Variants in ANTXR2 observed in about 807,000 individuals in gnomAD.
The protein encoded by ANTXR2 is anthrax toxin receptor 2.
In ANTXR2, 44 loss-of-function variants were observed where a neutral mutation model predicts 73.7. The observed-to-expected ratio is 0.60, with a 90% confidence interval of 0.47 to 0.77. The LOEUF is 0.77. ANTXR2 is among the 30% of genes least tolerant of loss of function. The probability of loss-of-function intolerance (pLI) is 0.00; values close to 1 mark genes in which losing one functional copy is unlikely to be tolerated. For synonymous variants in ANTXR2, 217 were observed against 205.9 expected (o/e 1.05, Z -0.46); for missense variants, 604 against 592.5 (o/e 1.02, Z -0.20).
At chr4:80,048,079 T>C (rs535137972) in intron 7 of ANTXR2, among the ~76,000 whole-genome samples, 1 of 151,568 alleles carries the variant, frequency 6.6e-6, no homozygotes, top group African/African-American at 2.4e-5. Flanking sequence ...GCATAGATTT[T>C]TATTCATTTT....
intron 16 of ANTXR2, among the ~76,000 whole-genome samples, chr4:79,962,010 A>G (rs1729163652): frequency 6.6e-6 from 1 of 150,572 alleles, no homozygotes; most frequent in Non-Finnish European, 1.5e-5. Flanking sequence ...AGATTCTTTG[A>G]AAAAAAATAT....
At position 80,072,262 on chromosome 4, in the gene ANTXR2, T is replaced by C. The variant is rs979269510; in HGVS notation, c.152+147A>G. 3.9e-5 allele frequency: 35 copies of C among 896,586 alleles called. No individual in the cohort carries two copies. The African/African-American group carries it at 5.9e-4, about 15-fold the overall frequency. The allele number at this position is 896,586 out of a possible 1,614,324, so 55.5% of individuals were successfully genotyped here. The stretch of plus-strand genomic sequence containing the variant: ...CCGCCCACACAGATCCGAACGCGCT[T>C]GCCCTTTGAAAGAAGACAGCAACAG... On this transcript the variant is annotated intron_variant, in intron 1 of 16. Transcript: ENST00000403729.
chr4:80,038,783 T>A (rs1210716604), intron 7 of ANTXR2, among the ~76,000 whole-genome samples: 1 of 152,036 alleles, frequency 6.6e-6, no homozygotes, highest in Admixed American at 6.6e-5. Context: ...AACATTGGTA[T>A]CACAATCTAA....
rs72655039 is a variant in ANTXR2, at chr4:80,047,362, G to A, written c.636+6910C>T. Among the ~76,000 whole-genome samples, 410 of 151,728 alleles carry A rather than the reference G, an allele frequency of 2.7e-3. 2 individuals carry two copies. The highest frequency in any genetic ancestry group is 5.0e-3 in the Non-Finnish European group (342 of 67,808). On this transcript the variant is annotated intron_variant, in intron 7 of 16. Transcript: ENST00000403729. ...ATCAAGTGGGATTTCGGAGGAATGGGGTGTCTTCTTAGAATATATGTCAAA... is the reference window on the plus strand; with the variant it reads ...ATCAAGTGGGATTTCGGAGGAATGGAGTGTCTTCTTAGAATATATGTCAAA...
At chr4:80,069,588 C>A in intron 2 of ANTXR2, 81 bp from the exon 3 acceptor site, 1 of 1,160,138 alleles carries the variant, frequency 8.6e-7, no homozygotes, top group Admixed American at 2.4e-5. Flanking sequence ...TAGGGAGGTT[C>A]ATTTAAAATT....
At chr4:79,915,862 C>CTCTCTCTCTCTATATATATA (rs377006532) in intron 16 of ANTXR2, among the ~76,000 whole-genome samples, 74 of 123,860 alleles carry the variant, frequency 6.0e-4, no homozygotes, top group Non-Finnish European at 1.1e-3. Flanking sequence ...CTCTCTCTCT[C>CTCTCTCTCTCTATATATATA]TATATATATA....
chr4:80,017,108 C>G (rs1372282663), intron 11 of ANTXR2, among the ~76,000 whole-genome samples: 3 of 152,242 alleles, frequency 2.0e-5, no homozygotes, highest in Non-Finnish European at 4.4e-5. Context: ...AGAAGAAAAG[C>G]TCAGGTCCTG....
intron 16 of ANTXR2, among the ~76,000 whole-genome samples, chr4:79,921,727 T>C (rs1727596238): frequency 7.1e-6 from 1 of 141,492 alleles, no homozygotes; most frequent in South Asian, 2.3e-4. Context: ...ACTTAGTTAC[T>C]GTGATGTTGT....
chr4:79,948,626 T>C (rs1393257954), intron 16 of ANTXR2, among the ~76,000 whole-genome samples: 1 of 152,146 alleles, frequency 6.6e-6, no homozygotes, highest in Non-Finnish European at 1.5e-5. Context: ...ATTCAATAAA[T>C]ATACACCATT....
At chr4:80,052,988 C>T (rs1418863051) in intron 7 of ANTXR2, among the ~76,000 whole-genome samples, 3 of 151,442 alleles carry the variant, frequency 2.0e-5, no homozygotes, top group African/African-American at 7.3e-5. Flanking sequence ...TTAAAAAAAT[C>T]CAAAGGAATA....
At chr4:80,050,431 G>A (rs1733720234) in intron 7 of ANTXR2, among the ~76,000 whole-genome samples, 1 of 151,506 alleles carries the variant, frequency 6.6e-6, no homozygotes, top group Non-Finnish European at 1.5e-5. Flanking sequence ...TCTCTCAGTG[G>A]ACTGCCCGAC....
At chr4:79,989,920 T>C (rs1402854806) in intron 12 of ANTXR2, among the ~76,000 whole-genome samples, 1 of 151,750 alleles carries the variant, frequency 6.6e-6, no homozygotes, top group Non-Finnish European at 1.5e-5. Flanking sequence ...AAACTTTCAA[T>C]AAAATTCCAC....
chr4:80,008,483 A>AT (rs754147730), intron 12 of ANTXR2, 38 bp downstream of exon 12: 55 of 1,493,902 alleles, frequency 3.7e-5, no homozygotes, highest in Admixed American at 1.3e-4. Flanking sequence ...CATCTTTCTA[A>AT]TTTTTTTTAA....
chr4:79,960,499 T>G (rs889373821), intron 16 of ANTXR2, among the ~76,000 whole-genome samples: 1 of 152,060 alleles, frequency 6.6e-6, no homozygotes, highest in Non-Finnish European at 1.5e-5. Flanking sequence ...ATCCCAACTT[T>G]ATAAGTTTTT....
chr4:79,918,909 G>GA (rs765163983), intron 16 of ANTXR2, among the ~76,000 whole-genome samples: 2 of 151,834 alleles, frequency 1.3e-5, no homozygotes, highest in African/African-American at 4.8e-5. Context: ...GGAACAGAAA[G>GA]AAAAAAATGG....
At chr4:79,979,260 C>T (rs2110013740) in intron 14 of ANTXR2, among the ~76,000 whole-genome samples, 1 of 152,170 alleles carries the variant, frequency 6.6e-6, no homozygotes, top group East Asian at 1.9e-4. Flanking sequence ...AAGAGCTTGT[C>T]CAACCAGGAG....
chr4:79,986,379 T>C (rs1046031247), intron 12 of ANTXR2, among the ~76,000 whole-genome samples: 1 of 152,198 alleles, frequency 6.6e-6, no homozygotes, highest in South Asian at 2.1e-4. Context: ...GGTTCCACTT[T>C]TACCTCATCA....
chr4:80,004,481 G>C (rs1731208634), intron 12 of ANTXR2, among the ~76,000 whole-genome samples: 2 of 126,296 alleles, frequency 1.6e-5, no homozygotes, highest in African/African-American at 4.9e-5. Flanking sequence ...TGGCCAAGCT[G>C]GTTCTTCCTG....
At chr4:79,961,930 T>C (rs1478215935) in intron 16 of ANTXR2, among the ~76,000 whole-genome samples, 1 of 152,170 alleles carries the variant, frequency 6.6e-6, no homozygotes, top group Non-Finnish European at 1.5e-5. Flanking sequence ...AAAATGTATA[T>C]GACTCCACTA....
Sources: gnomAD v4.1 joint callset for allele counts (sites outside exome capture counted in the v4.1 genomes callset) on GRCh38, gnomAD v4.1.1 for gene constraint, MANE v1.5 for transcripts, NCBI Gene and HGNC (gene_info 2026-07-23, HGNC 2026-07-21) for gene names.